Variants in DDX18 observed in about 807,000 individuals in gnomAD.
The protein encoded by DDX18 is DEAD-box helicase 18.
Under a neutral mutation model 73.5 loss-of-function variants are expected in DDX18, and 23 were observed. That is an observed-to-expected ratio of 0.31 (90% confidence interval 0.23 to 0.44). DDX18 has a LOEUF of 0.44. DDX18 is among the 20% of genes least tolerant of loss of function. DDX18 has a pLI of 1.00. For missense variants in DDX18, 753 were observed against 792.9 expected, an observed-to-expected ratio of 0.95 and a Z score of 0.60; for synonymous variants, 268 against 282.7, an observed-to-expected ratio of 0.95 and a Z score of 0.52.
At chr2:117,814,968 T>G (rs780793322) in intron 1 of DDX18, 106 bp downstream of exon 1, 88 of 1,153,830 alleles carry the variant, frequency 7.6e-5, no homozygotes, top group Non-Finnish European at 9.8e-5. Flanking sequence ...CAGCTTCCCC[T>G]GCAGCGTGTG....
At chr2:117,825,298 C>CA in intron 9 of DDX18, 149 bp from the exon 10 acceptor site, 1 of 1,189,934 alleles carries the variant, frequency 8.4e-7, no homozygotes, top group Non-Finnish European at 1.2e-6. Flanking sequence ...AGACACCATC[C>CA]TCCTTGAGGG....
intron 7 of DDX18, among the ~76,000 whole-genome samples, chr2:117,824,186 A>G (rs969590403): frequency 3.9e-5 from 6 of 152,150 alleles, no homozygotes; most frequent in Non-Finnish European, 5.9e-5. Context: ...CCTCTTTTTA[A>G]TTTATTGGAG....
rs755235821 is a variant in DDX18, at chr2:117,830,590, A to G, written c.1879A>G (p.Ser627Gly). ...TTAATGTTTGCCTCCAGACGTCAAC[A>G]GTAATGAAGGCAAGCAGAAAAAGCG... ...VPPFVDLNVN[S>G]NEGKQKKRGG... The change falls in exon 14 of 14, where the codon AGT becomes GGT. Residue 627 changes from serine to glycine, a missense_variant. Transcript: ENST00000263239. The G allele has an allele frequency of 2.5e-6, 4 of 1,613,274 alleles. No individual in the cohort carries two copies. Among genetic ancestry groups the G allele is most frequent in the African/African-American group, 1.3e-5 (1 of 74,846 alleles).
chr2:117,821,585 G>T (rs1314366275), intron 4 of DDX18, 65 bp from the exon 5 acceptor site: 2 of 1,545,506 alleles, frequency 1.3e-6, no homozygotes, highest in East Asian at 4.5e-5. Context: ...CCTAAGGTGT[G>T]TGTATGTAGT....
intron 9 of DDX18, 82 bp from the exon 10 acceptor site, chr2:117,825,365 G>A: frequency 6.5e-7 from 1 of 1,531,016 alleles, no homozygotes; most frequent in African/African-American, 1.4e-5. Context: ...TCGAAATAGG[G>A]TAACAGTTCC....
intron 2 of DDX18, among the ~76,000 whole-genome samples, 190 bp downstream of exon 2, chr2:117,817,918 A>G (rs760235928): frequency 2.0e-5 from 3 of 152,206 alleles, no homozygotes; most frequent in Admixed American, 6.5e-5. Context: ...ACTTTTCTCA[A>G]AATATTGAGG....
chr2:117,821,995 A>C lies in DDX18; in HGVS notation c.885A>C (p.Ala295=). ...GTGGCAGTAACAGATCTGCTGAAGC[A>C]CAGAAACTTGGTAATGGGATCAACA... ...IMGGSNRSAE[A]QKLGNGINII... The change falls in exon 6 of 14, where the codon GCA becomes GCC. Residue 295 remains alanine, a synonymous_variant. Transcript: ENST00000263239. 6.2e-7 allele frequency: 1 copy of C among 1,614,104 alleles called. No individual in the cohort carries two copies. The highest frequency in any genetic ancestry group is 8.5e-7 in the Non-Finnish European group (1 of 1,179,966).
Position 117,820,361 on chromosome 2 carries a change from C to G in DDX18, c.514+569C>G, listed in dbSNP as rs1679826608. On this transcript the variant is annotated intron_variant, in intron 3 of 13. Transcript: ENST00000263239. ...GAAGAGTAACTCTTCCTGGTTTGCCCAGAACTTTAACAGTTTTAGCACTGA... is the reference window on the plus strand; with the variant it reads ...GAAGAGTAACTCTTCCTGGTTTGCCGAGAACTTTAACAGTTTTAGCACTGA... 2.0e-5 allele frequency among the ~76,000 whole-genome samples: 3 copies of G among 152,118 alleles called. No homozygotes were observed. The South Asian group carries it at 6.2e-4, about 32-fold the overall frequency.
intron 3 of DDX18, 60 bp from the exon 4 acceptor site, chr2:117,821,101 T>C: frequency 7.2e-7 from 1 of 1,397,410 alleles, no homozygotes; most frequent in Non-Finnish European, 9.3e-7. Flanking sequence ...TAGGCAACTG[T>C]AGCAATACTT....
chr2:117,830,742 A>G lies in DDX18; in HGVS notation c.*18A>G, dbSNP rs1188991316. Reference sequence around the variant, plus strand: ...CTCACTGAACACATGCCTTCCTTTCATCTTGAATAACTTTGTCCTAAAATG... The same window carrying G: ...CTCACTGAACACATGCCTTCCTTTCGTCTTGAATAACTTTGTCCTAAAATG... On this transcript the variant is annotated 3_prime_UTR_variant, in exon 14 of 14. Transcript: ENST00000263239. 3 of 1,607,042 alleles carry G rather than the reference A, an allele frequency of 1.9e-6. No individual in the cohort carries two copies. The Admixed American group carries it at 5.2e-5, about 28-fold the overall frequency.
Position 117,817,423 on chromosome 2 carries a change from A to G in DDX18, c.86-21A>G, listed in dbSNP as rs975770516. 4 of 1,579,514 alleles carry G rather than the reference A, an allele frequency of 2.5e-6. No homozygotes were observed. The African/African-American group carries it at 4.1e-5, about 16-fold the overall frequency. On this transcript the variant is annotated intron_variant, in intron 1 of 13. Coordinates refer to ENST00000263239, the MANE Select transcript of DDX18 (RefSeq NM_006773.4). ...AACTTCTCCTTCTTTGTCACAGTAT[A>G]TGTTCTGTTTATTTAAACAGGGGCC...
At chr2:117,819,572 ATCT>A (rs1304147520) in intron 2 of DDX18, 74 bp from the exon 3 acceptor site, 16 of 1,251,710 alleles carry the variant, frequency 1.3e-5, no homozygotes, top group Non-Finnish European at 1.7e-5. Context: ...TATATCAGAG[ATCT>A]TCTGTTTGTT....
chr2:117,817,401 T>C, intron 1 of DDX18, 43 bp from the exon 2 acceptor site: 3 of 1,515,436 alleles, frequency 2.0e-6, no homozygotes, highest in Non-Finnish European at 2.6e-6. Context: ...CTAAGTAAAC[T>C]TCTCCTTCTT....
At chr2:117,823,936 A>G (rs940531851) in intron 7 of DDX18, among the ~76,000 whole-genome samples, 3 of 152,116 alleles carry the variant, frequency 2.0e-5, no homozygotes, top group Non-Finnish European at 2.9e-5. Context: ...AGTGAATTGT[A>G]TTGGTTGATT....
Position 117,826,340 on chromosome 2 carries a change from C to T in DDX18, c.1593C>T (p.Arg531=). 6.2e-7 allele frequency: 1 copy of T among 1,614,028 alleles called. No homozygotes were observed. The highest frequency in any genetic ancestry group is 8.5e-7 in the Non-Finnish European group (1 of 1,179,994). ...NGRGHALLIL[R]PEELGFLRYL... ...GAGGGCATGCCTTGCTCATTTTGCG[C>T]CCAGAAGAATTGGGTTTTCTTCGCT... Residue 531 remains arginine (R), a synonymous_variant, in exon 11 of 14, where the codon CGC becomes CGT. Transcript: ENST00000263239.
chr2:117,825,362 A>AAAGTG (rs58684604), intron 9 of DDX18, 85 bp from the exon 10 acceptor site: 62 of 1,513,448 alleles, frequency 4.1e-5, no homozygotes, highest in Middle Eastern at 2.4e-4. Flanking sequence ...AGCTCGAAAT[A>AAAGTG]GGGTAACAGT....
At position 117,819,785 on chromosome 2, in the gene DDX18, A is replaced by G. The variant is rs1329342720; in HGVS notation, c.507A>G (p.Gly169=). The change falls in exon 3 of 14, where the codon GGA becomes GGG. Residue 169 remains glycine (G), a synonymous_variant. Coordinates refer to ENST00000263239, the MANE Select transcript of DDX18 (RefSeq NM_006773.4). ...GTGAGGTGCCCAGTCTGCCCCTGGG[A>G]CTGACAGGTAACGTCCAGGAAGTTT... ...DESEVPSLPL[G]LTGAFEDTSF... The G allele has an allele frequency of 6.3e-7, 1 of 1,580,842 alleles. No homozygotes were observed.
Position 117,829,407 on chromosome 2 carries a change from T to G in DDX18, c.1811T>G (p.Leu604Arg). ...AAACAGATCTTTAATGTTAATAACC[T>G]AAATTTGCCTCAGGTTGCTCTGTCA... is the stretch of plus-strand genomic sequence containing the variant. ...SLKQIFNVNN[L>R]NLPQVALSFG... Residue 604 changes from leucine to arginine, a missense_variant, in exon 13 of 14, where the codon CTA (leucine) becomes CGA (arginine). By Grantham distance (102) the Leu-to-Arg change is moderately radical (BLOSUM62 -2). Transcript: ENST00000263239. The G allele has an allele frequency of 6.2e-7, 1 of 1,614,108 alleles. No homozygotes were observed. The highest frequency in any genetic ancestry group is 8.5e-7 in the Non-Finnish European group (1 of 1,180,006).
At position 117,824,815 on chromosome 2, in the gene DDX18, G is replaced by C; in HGVS notation, c.1206+107G>C. Reference sequence around the variant, plus strand: ...AAATGGGTTAATGAACTTTTAAAATGCTGTAGGTGAGGCATGACAGTTTAC... The same window carrying C: ...AAATGGGTTAATGAACTTTTAAAATCCTGTAGGTGAGGCATGACAGTTTAC... On this transcript the variant is annotated intron_variant, in intron 8 of 13. Coordinates refer to ENST00000263239, the MANE Select transcript of DDX18 (RefSeq NM_006773.4). 2.7e-6 allele frequency: 4 copies of C among 1,468,018 alleles called. No individual in the cohort carries two copies. In the South Asian group the frequency reaches 5.8e-5, roughly 21 times the overall value. 90.9% of individuals were successfully genotyped at this position (1,468,018 alleles called of 1,614,324 possible). A position where few individuals can be genotyped will look rare whatever the true frequency, so the allele number is the denominator to read the frequency against.
Sources: gnomAD v4.1 joint callset for allele counts (sites outside exome capture counted in the v4.1 genomes callset) on GRCh38, gnomAD v4.1.1 for gene constraint, MANE v1.5 for transcripts, NCBI Gene and HGNC (gene_info 2026-07-23, HGNC 2026-07-21) for gene names.